LINGO2: variants seen among roughly 807,000 people sequenced by gnomAD.
LINGO2 encodes the protein leucine-rich repeat and immunoglobulin-like domain-containing nogo receptor-interacting protein 2.
Under a neutral mutation model 30.6 loss-of-function variants are expected in LINGO2, and 14 were observed. The observed-to-expected ratio is 0.46, with a 90% confidence interval of 0.30 to 0.72. LINGO2 has a LOEUF of 0.72. Among genes scored for constraint, LINGO2 ranks in the 30% least tolerant of loss-of-function variants. The pLI, the probability that LINGO2 is intolerant of heterozygous loss-of-function variation, is 0.07. For missense variants in LINGO2, 729 were observed against 751.7 expected, an observed-to-expected ratio of 0.97 and a Z score of 0.35; for synonymous variants, 317 against 288.5, an observed-to-expected ratio of 1.10 and a Z score of -1.00.
the LINGO2 span, among the ~76,000 whole-genome samples, chr9:29,111,348 C>T: frequency 9.4e-4 from 143 of 152,176 alleles, no homozygotes; most frequent in Admixed American, 3.7e-3. Flanking sequence ...TCTAAAATGG[C>T]AGTTAGTGTT....
intron 4 of LINGO2, among the ~76,000 whole-genome samples, chr9:28,079,213 G>A (rs181141740): frequency 5.3e-5 from 8 of 152,184 alleles, no homozygotes; most frequent in Admixed American, 5.2e-4. Flanking sequence ...ATAGATAACT[G>A]GAAAATCTAG....
At chr9:28,088,151 T>A (rs1194110718) in intron 4 of LINGO2, among the ~76,000 whole-genome samples, 1 of 151,628 alleles carries the variant, frequency 6.6e-6, no homozygotes, top group Non-Finnish European at 1.5e-5. Flanking sequence ...TAACAATACC[T>A]CCTGCATAGG....
At chr9:28,189,317 A>G (rs868279635) in intron 4 of LINGO2, among the ~76,000 whole-genome samples, 571 of 16,930 alleles carry the variant, frequency 0.034, 35 homozygotes, top group East Asian at 0.067. Context: ...GGAAGGAAGG[A>G]AGGAAGGGAG....
At chr9:28,580,139 A>T in intron 1 of LINGO2, among the ~76,000 whole-genome samples, 1 of 152,046 alleles carries the variant, frequency 6.6e-6, no homozygotes, top group East Asian at 1.9e-4. Flanking sequence ...TTGTTTCTTC[A>T]CTGGTATGTC....
At chr9:29,107,246 T>C in the LINGO2 span, among the ~76,000 whole-genome samples, 3 of 152,166 alleles carry the variant, frequency 2.0e-5, no homozygotes, top group South Asian at 4.1e-4. Flanking sequence ...CAATCATACT[T>C]ACAAATTCAC....
the LINGO2 span, among the ~76,000 whole-genome samples, chr9:28,744,486 A>G: frequency 1.3e-5 from 2 of 151,832 alleles, no homozygotes; most frequent in Admixed American, 1.3e-4. Context: ...TCCACCATGA[A>G]GTTCTTGCTG....
At chr9:28,428,975 T>A (rs74558170) in intron 2 of LINGO2, among the ~76,000 whole-genome samples, 3,543 of 152,304 alleles carry the variant, frequency 0.023, 57 homozygotes, top group South Asian at 0.051. Flanking sequence ...TGAACATGAT[T>A]CTTTATCTTG....
the LINGO2 span, among the ~76,000 whole-genome samples, chr9:29,096,325 G>A: frequency 2.2e-5 from 3 of 138,676 alleles, 1 homozygote; most frequent in African/African-American, 8.1e-5. Context: ...TTACTCTGTT[G>A]CCCAGGCTGG....
At chr9:29,176,030 T>C in the LINGO2 span, among the ~76,000 whole-genome samples, 1 of 144,954 alleles carries the variant, frequency 6.9e-6, no homozygotes, top group Non-Finnish European at 1.5e-5. Flanking sequence ...TGGCACCAAG[T>C]CCTCGATCTG....
chr9:28,512,180 C>T (rs4258087), intron 1 of LINGO2, among the ~76,000 whole-genome samples: 148,499 of 152,136 alleles, frequency 0.98, 72,571 homozygotes, highest in Middle Eastern at 1. Flanking sequence ...ACTTTATGGC[C>T]TGATGGGTCA....
intron 3 of LINGO2, among the ~76,000 whole-genome samples, chr9:28,300,137 A>AC (rs1317743413): frequency 1.9e-4 from 29 of 152,088 alleles, no homozygotes; most frequent in African/African-American, 7.0e-4. Context: ...AAAAAAAAAA[A>AC]AAAAAACAAA....
chr9:28,185,238 T>A (rs776637192), intron 4 of LINGO2, among the ~76,000 whole-genome samples: 4 of 152,180 alleles, frequency 2.6e-5, no homozygotes, highest in Non-Finnish European at 5.9e-5. Context: ...CATTAAAGAG[T>A]AAGCAATAAT....
At chr9:28,593,371 T>C (rs1825015701) in intron 1 of LINGO2, among the ~76,000 whole-genome samples, 2 of 152,088 alleles carry the variant, frequency 1.3e-5, no homozygotes, top group Non-Finnish European at 2.9e-5. Flanking sequence ...GAGGATACTC[T>C]AGTTATGTGT....
the LINGO2 span, among the ~76,000 whole-genome samples, chr9:28,862,579 AAACAT>A: frequency 6.6e-6 from 1 of 152,116 alleles, no homozygotes. Context: ...CTAAGGAATG[AAACAT>A]AACAGGACAA....
intron 4 of LINGO2, among the ~76,000 whole-genome samples, chr9:28,149,387 G>A (rs62556551): frequency 0.078 from 11,597 of 148,536 alleles, 558 homozygotes; most frequent in African/African-American, 0.14. Context: ...CTGCCAGGCT[G>A]CTCCACCGTC....
At chr9:28,692,024 C>G in the LINGO2 span, among the ~76,000 whole-genome samples, 1 of 152,120 alleles carries the variant, frequency 6.6e-6, no homozygotes, top group African/African-American at 2.4e-5. Context: ...TGCTTGTGTT[C>G]TGAATCACTC....
chr9:28,088,873 T>C (rs1214247851), intron 4 of LINGO2, among the ~76,000 whole-genome samples: 3 of 152,034 alleles, frequency 2.0e-5, no homozygotes, highest in Non-Finnish European at 2.9e-5. Context: ...GAGGAAGATC[T>C]ACCAAGCAAA....
At chr9:28,392,158 G>C (rs1221402214) in intron 2 of LINGO2, among the ~76,000 whole-genome samples, 1 of 152,164 alleles carries the variant, frequency 6.6e-6, no homozygotes, top group African/African-American at 2.4e-5. Flanking sequence ...AGCCGAGATT[G>C]TGCCACAGCG....
intron 4 of LINGO2, among the ~76,000 whole-genome samples, chr9:28,056,021 G>A (rs1304222896): frequency 2.0e-5 from 3 of 152,072 alleles, no homozygotes; most frequent in Non-Finnish European, 2.9e-5. Context: ...ACATAGAAAT[G>A]AAAACTTAAG....
Sources: gnomAD v4.1 joint callset for allele counts (sites outside exome capture counted in the v4.1 genomes callset) on GRCh38, gnomAD v4.1.1 for gene constraint, MANE v1.5 for transcripts, NCBI Gene and HGNC (gene_info 2026-07-23, HGNC 2026-07-21) for gene names.